SH3RF1: variants seen among roughly 807,000 people sequenced by gnomAD.
SH3RF1 encodes E3 ubiquitin-protein ligase SH3RF1.
Under a neutral mutation model 74.0 loss-of-function variants are expected in SH3RF1, and 32 were observed. The observed-to-expected ratio is 0.43, with a 90% CI of 0.33 to 0.58. SH3RF1 has a LOEUF of 0.58. Among genes scored for constraint, SH3RF1 ranks in the 20% least tolerant of loss-of-function variants. SH3RF1 has a pLI of 0.05. For synonymous variants in SH3RF1, 396 were observed against 439.6 expected, an observed-to-expected ratio of 0.90 and a Z score of 1.24; for missense variants, 954 against 1,130.9, an observed-to-expected ratio of 0.84 and a Z score of 2.24.
At chr4:169,127,028 A>G (rs987460159) in intron 6 of SH3RF1, among the ~76,000 whole-genome samples, 10 of 152,200 alleles carry the variant, frequency 6.6e-5, no homozygotes, top group Non-Finnish European at 1.2e-4. Context: ...ATTATTCATC[A>G]CTTGTTTTAA....
intron 2 of SH3RF1, among the ~76,000 whole-genome samples, chr4:169,237,748 T>C (rs1464543821): frequency 6.6e-6 from 1 of 152,112 alleles, no homozygotes; most frequent in Non-Finnish European, 1.5e-5. Context: ...ATATTACTGA[T>C]AAAGAATTAG....
intron 5 of SH3RF1, among the ~76,000 whole-genome samples, chr4:169,135,358 G>GA (rs959308143): frequency 5.3e-5 from 8 of 150,050 alleles, no homozygotes; most frequent in South Asian, 2.1e-4. Flanking sequence ...AATGTTTAAA[G>GA]AAAAAAAAAC....
At position 169,095,026 on chromosome 4, in the gene SH3RF1, G is replaced by C. The variant is rs1363993251; in HGVS notation, c.*1493C>G. ...CTCCTTTTGTTTTCCGGACTACCCA[G>C]ATCCATGACTGCGTGGCACCGTAAT... On this transcript the variant is annotated 3_prime_UTR_variant, in exon 12 of 12. Transcript: ENST00000284637. 1 of 152,524 alleles carries C rather than the reference G, an allele frequency of 6.6e-6. No homozygotes were observed. The highest frequency in any genetic ancestry group is 2.4e-5 in the African/African-American group (1 of 41,412). The allele number at this position is 152,524 out of a possible 1,614,324, so 9.4% of individuals were successfully genotyped here. A position where few individuals can be genotyped will look rare whatever the true frequency, so the allele number is the denominator to read the frequency against.
intron 11 of SH3RF1, among the ~76,000 whole-genome samples, chr4:169,102,431 T>C (rs1031947764): frequency 8.5e-5 from 13 of 152,080 alleles, no homozygotes; most frequent in African/African-American, 3.1e-4. Context: ...GATGAGCTTA[T>C]AGGTATGTGG....
intron 3 of SH3RF1, 121 bp from the exon 4 acceptor site, chr4:169,155,696 A>G (rs1734038330): frequency 1.4e-6 from 1 of 727,862 alleles, no homozygotes; most frequent in Admixed American, 2.4e-5. Context: ...TAAAAATGCT[A>G]TGACATATCT....
At chr4:169,101,784 C>T (rs1385409319) in intron 11 of SH3RF1, among the ~76,000 whole-genome samples, 1 of 151,702 alleles carries the variant, frequency 6.6e-6, no homozygotes, top group African/African-American at 2.4e-5. Context: ...TATGGGGTGA[C>T]CAGAGTGGCT....
chr4:169,108,725 G>A (rs919906253), intron 10 of SH3RF1, among the ~76,000 whole-genome samples: 1 of 152,198 alleles, frequency 6.6e-6, no homozygotes, highest in Non-Finnish European at 1.5e-5. Flanking sequence ...CACATTTTCC[G>A]TGGGGCTACT....
At chr4:169,240,664 G>A (rs1730893974) in intron 2 of SH3RF1, among the ~76,000 whole-genome samples, 1 of 152,136 alleles carries the variant, frequency 6.6e-6, no homozygotes, top group South Asian at 2.1e-4. Context: ...ATTATATCAA[G>A]TTCATTAACA....
At chr4:169,213,407 A>G (rs1038616696) in intron 2 of SH3RF1, among the ~76,000 whole-genome samples, 3 of 152,180 alleles carry the variant, frequency 2.0e-5, no homozygotes, top group African/African-American at 2.4e-5. Flanking sequence ...TTCTTTGTAC[A>G]TTGTACATTT....
intron 2 of SH3RF1, among the ~76,000 whole-genome samples, chr4:169,187,803 C>A (rs895054854): frequency 6.6e-6 from 1 of 152,088 alleles, no homozygotes. Context: ...CGTTGTCCAT[C>A]CCCCTGCAAA....
At chr4:169,155,088 CAGCAAGTAACCAAAGAAG>C (rs1412424124) in intron 4 of SH3RF1, among the ~76,000 whole-genome samples, 3 of 152,182 alleles carry the variant, frequency 2.0e-5, no homozygotes, top group African/African-American at 7.2e-5. Flanking sequence ...TCTGCTGATG[CAGCAAGTAACCAAAGAAG>C]TAAGTAAAAA....
At chr4:169,153,377 TATAAG>T (rs1406968526) in intron 4 of SH3RF1, among the ~76,000 whole-genome samples, 3 of 152,224 alleles carry the variant, frequency 2.0e-5, no homozygotes, top group African/African-American at 7.2e-5. Flanking sequence ...ATTTATAAGA[TATAAG>T]AGAATTATTT....
chr4:169,260,102 T>A (rs1299834632), intron 2 of SH3RF1, among the ~76,000 whole-genome samples: 1 of 152,050 alleles, frequency 6.6e-6, no homozygotes, highest in African/African-American at 2.4e-5. Context: ...AGTTAAGGAA[T>A]GGAGGTGTGC....
chr4:169,241,095 T>A (rs1730901040), intron 2 of SH3RF1, among the ~76,000 whole-genome samples: 1 of 152,136 alleles, frequency 6.6e-6, no homozygotes, highest in Non-Finnish European at 1.5e-5. Context: ...CCAAGCGTGG[T>A]GGCGGGCGCC....
chr4:169,201,825 A>G (rs1053357220), intron 2 of SH3RF1: 7 of 152,154 alleles, frequency 4.6e-5, no homozygotes, highest in African/African-American at 1.7e-4. Flanking sequence ...CCTGGGGATG[A>G]GGTCTTAACA....
chr4:169,167,291 T>C (rs1268736710), intron 2 of SH3RF1, among the ~76,000 whole-genome samples: 1 of 152,202 alleles, frequency 6.6e-6, no homozygotes, highest in Non-Finnish European at 1.5e-5. Flanking sequence ...TTCATTAGAA[T>C]GATTAAAATT....
chr4:169,239,846 C>T (rs1040960108), intron 2 of SH3RF1, among the ~76,000 whole-genome samples: 2 of 151,974 alleles, frequency 1.3e-5, no homozygotes, highest in East Asian at 3.9e-4. Context: ...CATGGTGAAA[C>T]CCCGTCTCTA....
chr4:169,096,436 C>A lies in SH3RF1; in HGVS notation c.*83G>T. 1 of 1,469,152 alleles carries A rather than the reference C, an allele frequency of 6.8e-7. No individual in the cohort carries two copies. The highest frequency in any genetic ancestry group is 9.3e-7 in the Non-Finnish European group (1 of 1,079,362). 91.0% of individuals were successfully genotyped at this position (1,469,152 alleles called of 1,614,324 possible). Reference sequence around the variant, plus strand: ...GCTCATCTCCTGACCATCTGGAAGTCCACAAATGTGCTCTTTCTGTTAAAC... The same window carrying A: ...GCTCATCTCCTGACCATCTGGAAGTACACAAATGTGCTCTTTCTGTTAAAC... On this transcript the variant is annotated 3_prime_UTR_variant, in exon 12 of 12. Transcript: ENST00000284637.
chr4:169,215,306 T>C (rs1472045851), intron 2 of SH3RF1, among the ~76,000 whole-genome samples: 1 of 152,226 alleles, frequency 6.6e-6, no homozygotes, highest in Admixed American at 6.5e-5. Flanking sequence ...ATAAATTCCA[T>C]TTGGTCATTG....
Sources: allele counts gnomAD v4.1 joint callset (sites outside exome capture counted in the v4.1 genomes callset), GRCh38; gene constraint gnomAD v4.1.1; transcripts MANE v1.5; gene names NCBI Gene and HGNC (gene_info 2026-07-23, HGNC 2026-07-21).